Variants in SLC4A5 observed in about 807,000 individuals in gnomAD.
SLC4A5 encodes electrogenic sodium bicarbonate cotransporter 4.
A neutral mutation model predicts 120.4 loss-of-function variants in SLC4A5; 96 were observed. The ratio of observed to expected loss-of-function variants is 0.80; its 90% confidence interval spans 0.68 to 0.94. SLC4A5 has a LOEUF of 0.94. Ranked by LOEUF, SLC4A5 falls within the 40% of genes least tolerant of loss-of-function variation. The probability of loss-of-function intolerance (pLI) is 0.00; values close to 1 mark genes in which losing one functional copy is unlikely to be tolerated. For synonymous variants in SLC4A5, 550 were observed against 571.1 expected (o/e 0.96, Z 0.53); for missense variants, 1,259 against 1,459.5 (o/e 0.86, Z 2.24).
intron 6 of SLC4A5, chr2:74,308,129 T>C (rs944528482): frequency 2.9e-6 from 1 of 344,252 alleles, no homozygotes; most frequent in East Asian, 8.0e-5. Context: ...CATTCTCCTA[T>C]TGAAGGACAT....
intron 19 of SLC4A5, among the ~76,000 whole-genome samples, chr2:74,242,567 C>T (rs1323151890): frequency 2.0e-5 from 3 of 152,198 alleles, no homozygotes; most frequent in Non-Finnish European, 4.4e-5. Context: ...AGTTCATACT[C>T]GGAGCCATGA....
chr2:74,307,296 T>G (rs187710718), intron 6 of SLC4A5: 26 of 536,568 alleles, frequency 4.8e-5, no homozygotes, highest in Middle Eastern at 5.6e-4. Context: ...GTCCTAAGAT[T>G]TGGGGACATG....
intron 14 of SLC4A5, 93 bp from the exon 15 acceptor site, chr2:74,253,221 T>C: frequency 1.4e-6 from 2 of 1,460,600 alleles, no homozygotes; most frequent in South Asian, 1.2e-5. Flanking sequence ...GGAATCCCTT[T>C]GAACCACATC....
chr2:74,255,897 G>A lies in SLC4A5; in HGVS notation c.903C>T (p.Asp301=). 6.2e-7 allele frequency: 1 copy of A among 1,614,122 alleles called. No individual in the cohort carries two copies. The highest frequency in any genetic ancestry group is 1.1e-5 in the South Asian group (1 of 91,082). Residue 301 remains aspartate (D), a synonymous_variant, in exon 13 of 31, where the codon GAC becomes GAT. Transcript: ENST00000394019. This position sits in a 1 kb window ranked among gnomAD's most constrained non-coding sequence, Gnocchi z 4.0. ...CCACGAGCACGTTGGACGCTTCTGAGTCCTTGGGGATCTTCTTCATGAATT... is the reference window on the plus strand; with the variant it reads ...CCACGAGCACGTTGGACGCTTCTGAATCCTTGGGGATCTTCTTCATGAATT...
intron 11 of SLC4A5, among the ~76,000 whole-genome samples, chr2:74,261,602 G>A (rs958064168): frequency 1.3e-5 from 2 of 152,020 alleles, no homozygotes; most frequent in African/African-American, 2.4e-5. Flanking sequence ...TATCCCTGAC[G>A]AGGTGCATGT....
intron 11 of SLC4A5, among the ~76,000 whole-genome samples, chr2:74,261,289 A>T (rs1190517235): frequency 6.6e-6 from 1 of 152,212 alleles, no homozygotes; most frequent in East Asian, 1.9e-4. Flanking sequence ...GTACCCACTG[A>T]ACACTGCCAC....
At chr2:74,234,785 A>C (rs1481148495) in intron 22 of SLC4A5, among the ~76,000 whole-genome samples, 1 of 152,190 alleles carries the variant, frequency 6.6e-6, no homozygotes, top group Non-Finnish European at 1.5e-5. Context: ...GGCCCAGCTT[A>C]TAGATTGCTA....
intron 7 of SLC4A5, chr2:74,290,573 GTTAA>G (rs1044755381): frequency 3.0e-5 from 30 of 983,620 alleles, no homozygotes; most frequent in Middle Eastern, 5.2e-4. Flanking sequence ...GCTACACTGA[GTTAA>G]TTAAAGATCT....
intron 6 of SLC4A5, among the ~76,000 whole-genome samples, chr2:74,308,613 G>T (rs191770708): frequency 5.1e-4 from 78 of 152,224 alleles, no homozygotes; most frequent in African/African-American, 1.7e-3. Context: ...ATTTTCAGAT[G>T]CAAGTCTTTT....
chr2:74,224,738 G>A, intron 28 of SLC4A5, 102 bp downstream of exon 28: 2 of 1,505,910 alleles, frequency 1.3e-6, no homozygotes, highest in South Asian at 2.7e-5. Context: ...CCGAGGCACT[G>A]CTGCAGGCCA....
chr2:74,252,504 T>C (rs1453251970), intron 15 of SLC4A5, 116 bp from the exon 16 acceptor site: 2 of 1,240,992 alleles, frequency 1.6e-6, no homozygotes, highest in African/African-American at 1.5e-5. Context: ...TGTCTAACAA[T>C]ATCCACACGC....
At chr2:74,266,489 G>T (rs1249402216) in intron 8 of SLC4A5, among the ~76,000 whole-genome samples, 1 of 152,070 alleles carries the variant, frequency 6.6e-6, no homozygotes, top group Non-Finnish European at 1.5e-5. Context: ...GGCTGGTCTC[G>T]AACTCCTGGG....
chr2:74,285,660 T>G lies in SLC4A5; in HGVS notation c.401+113A>C, dbSNP rs569662071. The stretch of plus-strand genomic sequence containing the variant: ...CAAGGAAGGCAGCTGGGAGGGTCTT[T>G]GTGGACCAGGAAGCTCTCAAGGTAC... On this transcript the variant is annotated intron_variant, in intron 8 of 30. Transcript: ENST00000394019. 1.7e-5 allele frequency: 23 copies of G among 1,321,522 alleles called. No individual in the cohort carries two copies. In the Admixed American group the frequency reaches 5.1e-4, roughly 29 times the overall value. The allele number at this position is 1,321,522 out of a possible 1,614,324, so 81.9% of individuals were successfully genotyped here. A position where few individuals can be genotyped will look rare whatever the true frequency, so the allele number is the denominator to read the frequency against.
intron 7 of SLC4A5, chr2:74,290,841 C>T (rs1672143908): frequency 1.2e-6 from 1 of 821,062 alleles, no homozygotes; most frequent in South Asian, 5.6e-5. Flanking sequence ...CCCATGAGTG[C>T]TTCCTATGTG....
chr2:74,319,622 TCCCC>T (rs1673047872), intron 5 of SLC4A5: 1 of 152,104 alleles, frequency 6.6e-6, no homozygotes, highest in Non-Finnish European at 1.5e-5. Context: ...AGTTAAAACT[TCCCC>T]TCCCTATATG....
chr2:74,285,252 A>G (rs1671946007), intron 8 of SLC4A5, among the ~76,000 whole-genome samples: 1 of 152,142 alleles, frequency 6.6e-6, no homozygotes. Context: ...CTGTCTCTGG[A>G]AAAACAACAA....
At chr2:74,294,646 G>T (rs952523979) in intron 7 of SLC4A5, among the ~76,000 whole-genome samples, 1 of 151,620 alleles carries the variant, frequency 6.6e-6, no homozygotes, top group South Asian at 2.1e-4. Flanking sequence ...GGAGAAAGGA[G>T]AGAAGAAAAT....
In SLC4A5 at chr2:74,262,118, C is replaced by A; in HGVS notation, c.811+19G>T. The A allele has an allele frequency of 6.2e-7, 1 of 1,603,602 alleles. No homozygotes were observed. The highest frequency in any genetic ancestry group is 8.5e-7 in the Non-Finnish European group (1 of 1,172,112). On this transcript the variant is annotated intron_variant, in intron 11 of 30. Coordinates refer to ENST00000394019, the Ensembl canonical transcript of SLC4A5. ...CAGCCTGAATAAAGCTGCCACAGAG[C>A]GGCAGAGCACACACTCACACAGACG...
intron 8 of SLC4A5, 148 bp from the exon 9 acceptor site, chr2:74,265,412 G>A (rs1307060246): frequency 3.3e-6 from 3 of 912,964 alleles, no homozygotes; most frequent in South Asian, 1.8e-5. Context: ...AGGATCTCTT[G>A]GGGATCCCCT....
Sources: gnomAD v4.1 joint callset for allele counts (sites outside exome capture counted in the v4.1 genomes callset) on GRCh38, gnomAD v4.1.1 for gene constraint, Gnocchi (gnomAD v3.1) non-coding constraint, MANE v1.5 for transcripts, NCBI Gene and HGNC (gene_info 2026-07-23, HGNC 2026-07-21) for gene names.